Variants in ZRANB3 observed in about 807,000 individuals in gnomAD.
The protein encoded by ZRANB3 is zinc finger RANBP2-type containing 3.
ZRANB3 carries 125 observed loss-of-function variants against 133.8 expected under a neutral mutation model. The observed-to-expected ratio is 0.93, with a 90% confidence interval of 0.81 to 1.08. ZRANB3 has a LOEUF of 1.08. Ranked by LOEUF, ZRANB3 falls within the 50% of genes least tolerant of loss-of-function variation. The pLI, the probability that ZRANB3 is intolerant of heterozygous loss-of-function variation, is 0.00. For synonymous variants in ZRANB3, 387 were observed against 432.7 expected, an observed-to-expected ratio of 0.89 and a Z score of 1.31; for missense variants, 1,229 against 1,275.5, an observed-to-expected ratio of 0.96 and a Z score of 0.56.
intron 12 of ZRANB3, chr2:135,238,924 C>T (rs1445725197): frequency 6.6e-6 from 1 of 152,164 alleles, no homozygotes; most frequent in African/African-American, 2.4e-5. Flanking sequence ...CAGCCCCTGG[C>T]ATGGGTGTCT....
At chr2:135,238,752 T>C (rs906774329) in intron 12 of ZRANB3, 4 of 152,332 alleles carry the variant, frequency 2.6e-5, no homozygotes. Context: ...CTTTCTCTCT[T>C]GGGACACTTG....
At chr2:135,346,633 T>C (rs547624551) in intron 5 of ZRANB3, among the ~76,000 whole-genome samples, 6 of 152,288 alleles carry the variant, frequency 3.9e-5, no homozygotes, top group African/African-American at 1.2e-4. Context: ...GTTTTAAAGT[T>C]TGATAATGTT....
At chr2:135,418,695 A>T (rs890916942) in intron 2 of ZRANB3, among the ~76,000 whole-genome samples, 3 of 152,226 alleles carry the variant, frequency 2.0e-5, no homozygotes, top group Admixed American at 6.5e-5. Flanking sequence ...ATGACGAAAG[A>T]CTCAACACTG....
rs567448078 is a variant in ZRANB3 at position 135,287,872 on chromosome 2, T to C, written c.967-12117A>G. Among the ~76,000 whole-genome samples, 6 of 152,218 alleles carry C rather than the reference T, an allele frequency of 3.9e-5. No homozygotes were observed. In the South Asian group the frequency reaches 6.2e-4, roughly 16 times the overall value. On this transcript the variant is annotated intron_variant, in intron 8 of 20. Transcript: ENST00000264159. ...GTTTTCTGGGTATACGATCTTATCA[T>C]TGGCAAACCATGACAGTTTGACTTT...
chr2:135,265,974 C>A (rs1370818150), intron 11 of ZRANB3, among the ~76,000 whole-genome samples: 1 of 152,100 alleles, frequency 6.6e-6, no homozygotes, highest in Non-Finnish European at 1.5e-5. Context: ...CTTTGGGAGG[C>A]CAAGGGGGGC....
At chr2:135,476,559 A>G (rs941647562) in intron 2 of ZRANB3, among the ~76,000 whole-genome samples, 2 of 152,190 alleles carry the variant, frequency 1.3e-5, no homozygotes, top group African/African-American at 4.8e-5. Context: ...AAATGTTTAG[A>G]TAAAACAAAA....
rs184863313 is a variant in ZRANB3 at position 135,404,382 on chromosome 2, G to A, written c.162-13562C>T. 9.6e-3 allele frequency among the ~76,000 whole-genome samples: 1,468 copies of A among 152,242 alleles called. 16 individuals are homozygous for A. The highest frequency in any genetic ancestry group is 0.013 in the Non-Finnish European group (868 of 68,014). Reference sequence around the variant, plus strand: ...GAAGATCAAATGAATGAAATGAAGCGAGAAGAGAAGTTTAGAGAAAAAAGA... The same window carrying A: ...GAAGATCAAATGAATGAAATGAAGCAAGAAGAGAAGTTTAGAGAAAAAAGA... On this transcript the variant is annotated intron_variant, in intron 2 of 20. Coordinates refer to ENST00000264159, the MANE Select transcript of ZRANB3 (RefSeq NM_032143.4).
At chr2:135,414,652 T>A (rs1337710845) in intron 2 of ZRANB3, among the ~76,000 whole-genome samples, 1 of 152,056 alleles carries the variant, frequency 6.6e-6, no homozygotes, top group Non-Finnish European at 1.5e-5. Context: ...AGAATATACA[T>A]TTTTTTCAGC....
chr2:135,449,698 T>C (rs188794298), intron 2 of ZRANB3, among the ~76,000 whole-genome samples: 21 of 152,316 alleles, frequency 1.4e-4, no homozygotes, highest in African/African-American at 4.8e-4. Flanking sequence ...GCCAAGTGCT[T>C]TACAAATACC....
chr2:135,380,477 T>G (rs1686640813), intron 3 of ZRANB3, among the ~76,000 whole-genome samples: 1 of 152,162 alleles, frequency 6.6e-6, no homozygotes, highest in Non-Finnish European at 1.5e-5. Flanking sequence ...CAGACCACAG[T>G]GCAATCAAAT....
intron 2 of ZRANB3, among the ~76,000 whole-genome samples, chr2:135,489,835 G>A (rs1312177618): frequency 1.3e-5 from 2 of 151,704 alleles, no homozygotes; most frequent in Non-Finnish European, 2.9e-5. Flanking sequence ...ATATAAATAG[G>A]CCAAGACAAA....
In ZRANB3 at chr2:135,431,588, C is replaced by A. The variant is rs536490290; in HGVS notation, c.162-40768G>T. 3.9e-5 allele frequency among the ~76,000 whole-genome samples: 6 copies of A among 152,148 alleles called. No homozygotes were observed. In the East Asian group the frequency reaches 1.2e-3, roughly 29 times the overall value. ...AGAACTTATATCCAGAATATATAAA[C>A]ACCTTTTATAATTCAATAATAAGGA... On this transcript the variant is annotated intron_variant, in intron 2 of 20. Coordinates refer to ENST00000264159, the MANE Select transcript of ZRANB3 (RefSeq NM_032143.4).
intron 12 of ZRANB3, among the ~76,000 whole-genome samples, chr2:135,258,495 G>T (rs1164914153): frequency 6.6e-6 from 1 of 152,118 alleles, no homozygotes; most frequent in African/African-American, 2.4e-5. Context: ...GAGAGTCCCT[G>T]TTTCCCTTTT....
At chr2:135,386,229 A>T (rs532356738) in intron 3 of ZRANB3, among the ~76,000 whole-genome samples, 2 of 152,366 alleles carry the variant, frequency 1.3e-5, no homozygotes, top group South Asian at 4.1e-4. Context: ...CAGCCAAAAG[A>T]CACATGAAAA....
At chr2:135,375,900 T>C (rs1686410032) in intron 3 of ZRANB3, among the ~76,000 whole-genome samples, 1 of 152,130 alleles carries the variant, frequency 6.6e-6, no homozygotes, top group African/African-American at 2.4e-5. Context: ...TGGGTTGAAT[T>C]GGGTAACTCT....
At chr2:135,240,508 C>G (rs1443152478) in intron 12 of ZRANB3, among the ~76,000 whole-genome samples, 1 of 152,146 alleles carries the variant, frequency 6.6e-6, no homozygotes, top group Non-Finnish European at 1.5e-5. Flanking sequence ...ACTTTCTGTC[C>G]TTGCCTGTCT....
chr2:135,343,631 C>T (rs1436223273), intron 6 of ZRANB3, among the ~76,000 whole-genome samples: 1 of 149,524 alleles, frequency 6.7e-6, no homozygotes. Flanking sequence ...ATGAGAGACT[C>T]ATATCACATA....
chr2:135,363,665 AG>A (rs898059217), intron 3 of ZRANB3, among the ~76,000 whole-genome samples: 6 of 152,210 alleles, frequency 3.9e-5, no homozygotes, highest in African/African-American at 1.4e-4. Flanking sequence ...AGAAAAGGAA[AG>A]GACAAAAAGA....
At chr2:135,294,109 T>C (rs571958729) in intron 8 of ZRANB3, among the ~76,000 whole-genome samples, 1 of 152,344 alleles carries the variant, frequency 6.6e-6, no homozygotes, top group African/African-American at 2.4e-5. Flanking sequence ...GCTGGCCTCA[T>C]AAGATGAGTT....
Sources: gnomAD v4.1 joint callset for allele counts (sites outside exome capture counted in the v4.1 genomes callset) on GRCh38, gnomAD v4.1.1 for gene constraint, MANE v1.5 for transcripts, NCBI Gene and HGNC (gene_info 2026-07-23, HGNC 2026-07-21) for gene names.